Variants in IL3RA observed in about 807,000 individuals in gnomAD.
IL3RA encodes the protein interleukin 3 receptor subunit alpha.
A neutral mutation model predicts 52.3 loss-of-function variants in IL3RA; 73 were observed. The ratio of observed to expected loss-of-function variants is 1.40; its 90% CI spans 1.16 to 1.70. The LOEUF (loss-of-function observed/expected upper bound fraction) is 1.70. Among genes scored for constraint, IL3RA ranks in the 40% most tolerant of loss-of-function variants. The pLI is 0.00. For missense variants in IL3RA, 664 were observed against 504.4 expected, an observed-to-expected ratio of 1.32 and a Z score of -3.03; for synonymous variants, 260 against 194.0, an observed-to-expected ratio of 1.34 and a Z score of -2.83.
chrX:1,361,093 GTCTCTCTCTCCCTTCCCCTCTC>G, intron 8 of IL3RA, among the ~76,000 whole-genome samples: 1 of 46,804 alleles, frequency 2.1e-5, no homozygotes, highest in South Asian at 7.2e-4. Context: ...TCCCCTCTCT[GTCTCTCTCTCCCTTCCCCTCTC>G]TGTCTCTCTC....
intron 6 of IL3RA, 62 bp from the exon 7 acceptor site, chrX:1,356,159 A>G: frequency 9.2e-7 from 1 of 1,092,172 alleles, no homozygotes; most frequent in East Asian, 2.4e-5. Context: ...AAAAAAAGAG[A>G]AAAAGAAAAA....
At chrX:1,378,297 T>C (rs1227322184) in intron 9 of IL3RA, among the ~76,000 whole-genome samples, 1 of 151,652 alleles carries the variant, frequency 6.6e-6, no homozygotes, top group Admixed American at 6.6e-5. Flanking sequence ...CTGCTGCCCC[T>C]CCATGCTGCC....
chrX:1,382,346 A>G, intron 11 of IL3RA, 45 bp from the exon 12 acceptor site: 1 of 1,514,526 alleles, frequency 6.6e-7, no homozygotes, highest in South Asian at 1.1e-5. Flanking sequence ...GGGCTCTGTT[A>G]TCTGGGGGGT....
At chrX:1,359,346 C>T (rs1182077002) in intron 8 of IL3RA, among the ~76,000 whole-genome samples, 8 of 152,132 alleles carry the variant, frequency 5.3e-5, no homozygotes, top group Non-Finnish European at 8.8e-5. Context: ...GACCCTCCCC[C>T]AGCCCCTGCC....
At chrX:1,356,728 C>T (rs2086753021) in intron 7 of IL3RA, among the ~76,000 whole-genome samples, 2 of 150,646 alleles carry the variant, frequency 1.3e-5, no homozygotes, top group East Asian at 2.0e-4. Flanking sequence ...GCCGAGATCG[C>T]GCCATTGCAC....
At chrX:1,368,944 A>G (rs1411497139) in intron 9 of IL3RA, among the ~76,000 whole-genome samples, 3 of 20,470 alleles carry the variant, frequency 1.5e-4, no homozygotes, top group Non-Finnish European at 2.6e-4. Context: ...GTGAGGGCAC[A>G]GGGAGAAGAC....
chrX:1,363,769 G>A (rs1358398613), intron 8 of IL3RA, among the ~76,000 whole-genome samples: 1 of 152,058 alleles, frequency 6.6e-6, no homozygotes, highest in Non-Finnish European at 1.5e-5. Context: ...ACCCACGCTA[G>A]AGTGCAGTGG....
At chrX:1,342,557 T>C (rs1179544788) in intron 2 of IL3RA, among the ~76,000 whole-genome samples, 1 of 128,284 alleles carries the variant, frequency 7.8e-6, no homozygotes, top group Non-Finnish European at 1.6e-5. Context: ...ATTCTTTAAC[T>C]TCTTTTTTTT....
chrX:1,359,193 C>G (rs2086975813), intron 8 of IL3RA, among the ~76,000 whole-genome samples: 2 of 151,922 alleles, frequency 1.3e-5, no homozygotes, highest in South Asian at 2.1e-4. Context: ...TGGCCAGGTG[C>G]TGTCCAAACG....
intron 9 of IL3RA, among the ~76,000 whole-genome samples, chrX:1,377,128 C>A (rs2088814090): frequency 6.6e-6 from 1 of 152,112 alleles, no homozygotes; most frequent in Admixed American, 6.5e-5. Flanking sequence ...GTCTCCAAGC[C>A]CAGGAGAGAG....
chrX:1,379,122 C>T (rs1309209422), intron 10 of IL3RA, among the ~76,000 whole-genome samples: 2 of 151,626 alleles, frequency 1.3e-5, no homozygotes, highest in Non-Finnish European at 2.9e-5. Flanking sequence ...GGATTACAGG[C>T]GTAAGCCACC....
chrX:1,360,152 TCTCCCTTTCTCC>T (rs2087109723), intron 8 of IL3RA, among the ~76,000 whole-genome samples: 1 of 148,034 alleles, frequency 6.8e-6, no homozygotes, highest in Admixed American at 6.8e-5. Context: ...TCTGTGTCTC[TCTCCCTTTCTCC>T]CTCCCTCCAT....
At chrX:1,343,919 C>G (rs1337421658) in intron 2 of IL3RA, among the ~76,000 whole-genome samples, 6 of 151,164 alleles carry the variant, frequency 4.0e-5, no homozygotes, top group Non-Finnish European at 4.4e-5. Context: ...CCTCAGCTTC[C>G]TGATTAGCTG....
intron 9 of IL3RA, among the ~76,000 whole-genome samples, chrX:1,368,823 T>C (rs1402882985): frequency 2.6e-5 from 2 of 77,146 alleles, no homozygotes; most frequent in Admixed American, 1.4e-4. Flanking sequence ...AATCAATGTG[T>C]TTTGTTTCTA....
Position 1,348,461 on chromosome X carries a change from G to A in IL3RA, c.214G>A (p.Ala72Thr), listed in dbSNP as rs754110016. The change falls in exon 4 of 12, where the codon GCA becomes ACA. Residue 72 changes from alanine (A) to threonine (T), a missense_variant. By Grantham distance (58) the Ala-to-Thr change is moderately conservative. Transcript: ENST00000331035. ...GAACAATAGCTATTGCCAGTTTGGA[G>A]CAATTTCCTTATGTGAAGTGACCAA... is the stretch of plus-strand genomic sequence containing the variant. ...AVNNSYCQFG[A>T]ISLCEVTNYT... 6.2e-7 allele frequency: 1 copy of A among 1,613,846 alleles called. No individual in the cohort carries two copies. Among genetic ancestry groups the A allele is most frequent in the South Asian group, 1.1e-5 (1 of 91,070 alleles).
At chrX:1,376,626 C>G in intron 9 of IL3RA, among the ~76,000 whole-genome samples, 1 of 149,378 alleles carries the variant, frequency 6.7e-6, no homozygotes, top group African/African-American at 2.5e-5. Context: ...GGAGGAACAA[C>G]CCTGTGAGGA....
chrX:1,339,410 T>G (rs2085405442), intron 1 of IL3RA, among the ~76,000 whole-genome samples: 1 of 152,206 alleles, frequency 6.6e-6, no homozygotes, highest in South Asian at 2.1e-4. Flanking sequence ...GTCCCCAGCC[T>G]CAAGGGGCTC....
intron 6 of IL3RA, among the ~76,000 whole-genome samples, chrX:1,354,185 C>A (rs2086432564): frequency 6.6e-6 from 1 of 152,148 alleles, no homozygotes; most frequent in Non-Finnish European, 1.5e-5. Context: ...GAGCCCCCAT[C>A]ATGGGGGTCC....
chrX:1,368,121 T>C (rs1322316653), intron 9 of IL3RA, among the ~76,000 whole-genome samples: 1 of 151,868 alleles, frequency 6.6e-6, no homozygotes, highest in Non-Finnish European at 1.5e-5. Context: ...TAGCCAGGCG[T>C]GGTGATGGGC....
Sources: allele counts gnomAD v4.1 joint callset (sites outside exome capture counted in the v4.1 genomes callset), GRCh38; gene constraint gnomAD v4.1.1; transcripts MANE v1.5; gene names NCBI Gene and HGNC (gene_info 2026-07-23, HGNC 2026-07-21).